The following TIMP2 variants were observed in gnomAD, a reference collection of about 807,000 sequenced individuals.
TIMP2 encodes the protein metalloproteinase inhibitor 2.
TIMP2 carries 5 observed loss-of-function variants against 24.3 expected under a neutral mutation model. That is an observed-to-expected ratio of 0.21 (90% CI 0.11 to 0.43). The LOEUF (loss-of-function observed/expected upper bound fraction) is 0.43. TIMP2 is among the 20% of genes least tolerant of loss of function. The pLI is 1.00. For synonymous variants in TIMP2, 130 were observed against 123.2 expected (o/e 1.06, Z -0.37); for missense variants, 221 against 297.5 (o/e 0.74, Z 1.89).
intron 3 of TIMP2, among the ~76,000 whole-genome samples, chr17:78,860,608 T>C (rs955652147): frequency 6.6e-6 from 1 of 152,256 alleles, no homozygotes; most frequent in Non-Finnish European, 1.5e-5. Context: ...TGTTCCTTTA[T>C]CTTCGGGTCC....
At chr17:78,870,308 C>T (rs770353945) in intron 3 of TIMP2, among the ~76,000 whole-genome samples, 4 of 150,900 alleles carry the variant, frequency 2.7e-5, no homozygotes, top group African/African-American at 9.8e-5. Flanking sequence ...CCCAACTACT[C>T]GGGAGGCTGA....
chr17:78,909,453 G>T (rs918830185), intron 1 of TIMP2, among the ~76,000 whole-genome samples: 1 of 147,854 alleles, frequency 6.8e-6, no homozygotes, highest in Non-Finnish European at 1.5e-5. Flanking sequence ...AATCCCCCCG[G>T]ACCTGAAGCC....
At chr17:78,862,472 C>T (rs1488494680) in intron 3 of TIMP2, among the ~76,000 whole-genome samples, 1 of 152,226 alleles carries the variant, frequency 6.6e-6, no homozygotes, top group African/African-American at 2.4e-5. Context: ...CCCTGCTCCC[C>T]CTCCCAGGGA....
intron 3 of TIMP2, among the ~76,000 whole-genome samples, chr17:78,861,878 A>G (rs956560330): frequency 6.6e-6 from 1 of 152,134 alleles, no homozygotes; most frequent in Non-Finnish European, 1.5e-5. Flanking sequence ...TATCTTTTCA[A>G]TGGTCCTAGT....
chr17:78,886,065 T>C (rs1029542595), intron 1 of TIMP2, among the ~76,000 whole-genome samples: 17 of 152,094 alleles, frequency 1.1e-4, no homozygotes, highest in African/African-American at 3.6e-4. Context: ...ACCAATGCCC[T>C]AGTTAAAGAA....
chr17:78,902,663 C>A (rs894005945), intron 1 of TIMP2: 1 of 152,312 alleles, frequency 6.6e-6, no homozygotes, highest in African/African-American at 2.4e-5. Context: ...CTGAGGCAGA[C>A]TGACCTCCAA....
chr17:78,878,638 G>C (rs1243692046), intron 1 of TIMP2, among the ~76,000 whole-genome samples: 1 of 152,104 alleles, frequency 6.6e-6, no homozygotes, highest in Non-Finnish European at 1.5e-5. Flanking sequence ...AGAGGAGGCT[G>C]GTCAAATCAA....
chr17:78,878,001 C>G (rs775285113), intron 1 of TIMP2, among the ~76,000 whole-genome samples: 1 of 152,144 alleles, frequency 6.6e-6, no homozygotes, highest in Non-Finnish European at 1.5e-5. Context: ...CTACCGCGCC[C>G]GGCCTTGGAG....
At position 78,855,321 on chromosome 17, in the gene TIMP2, C is replaced by A. The variant is rs1042024134; in HGVS notation, c.*346G>T. The A allele has an allele frequency of 2.5e-5, 9 of 366,798 alleles. 1 individual carries two copies. The South Asian group carries it at 2.7e-4, about 11-fold the overall frequency. The allele number at this position is 366,798 out of a possible 1,614,324, so 22.7% of individuals were successfully genotyped here. The stretch of plus-strand genomic sequence containing the variant: ...GCACATTTCCAGGCCCTGCCCTAAC[C>A]CAGCTGGGAGATCCCTAAGTGCTGC... On this transcript the variant is annotated 3_prime_UTR_variant, in exon 5 of 5. Coordinates refer to ENST00000262768, the MANE Select transcript of TIMP2 (RefSeq NM_003255.5). The surrounding 1 kb of genome is among the most constrained non-coding windows in gnomAD (Gnocchi z 6.0).
At position 78,897,039 on chromosome 17, in the gene TIMP2, C is replaced by T. The variant is rs536266999; in HGVS notation, c.131-23120G>A. The T allele has an allele frequency of 1.1e-4, 105 of 979,778 alleles. No homozygotes were observed. In the African/African-American group the frequency reaches 1.7e-3, roughly 16 times the overall value. The allele number at this position is 979,778 out of a possible 1,614,324, so 60.7% of individuals were successfully genotyped here. A position where few individuals can be genotyped will look rare whatever the true frequency, so the allele number is the denominator to read the frequency against. On this transcript the variant is annotated intron_variant, in intron 1 of 4. Coordinates refer to ENST00000262768, the MANE Select transcript of TIMP2 (RefSeq NM_003255.5). ...AGACAGCTTTTCAGCCAAGGCAGAC[C>T]TCACCCAGGGACCCTCCACCCAGGC...
intron 1 of TIMP2, among the ~76,000 whole-genome samples, chr17:78,894,197 C>G (rs548555310): frequency 2.0e-5 from 3 of 151,998 alleles, no homozygotes; most frequent in Non-Finnish European, 2.9e-5. Context: ...GCTCCTACCC[C>G]CCCCGGTTCA....
intron 1 of TIMP2, among the ~76,000 whole-genome samples, chr17:78,876,767 TCCGCCCACTTTGG>T (rs900166872): frequency 1.3e-5 from 2 of 151,784 alleles, no homozygotes; most frequent in African/African-American, 4.8e-5. Flanking sequence ...CCTCAAGTGA[TCCGCCCACTTTGG>T]CCTCCCAAAG....
intron 1 of TIMP2, chr17:78,900,076 G>A (rs1232753910): frequency 1.3e-5 from 2 of 151,854 alleles, no homozygotes; most frequent in Non-Finnish European, 3.0e-5. Flanking sequence ...TCTTTGGGAT[G>A]ATAATATAGG....
At chr17:78,893,879 T>C (rs898871252) in intron 1 of TIMP2, among the ~76,000 whole-genome samples, 24 of 152,128 alleles carry the variant, frequency 1.6e-4, no homozygotes, top group Admixed American at 1.6e-3. Context: ...CAGTACGGGA[T>C]TGTGTCTGTT....
chr17:78,888,812 G>A (rs890019945), intron 1 of TIMP2, among the ~76,000 whole-genome samples: 16 of 152,136 alleles, frequency 1.1e-4, no homozygotes, highest in African/African-American at 3.9e-4. Flanking sequence ...GAATATTCTG[G>A]GTCTTGGGTC....
At chr17:78,912,537 A>C (rs2070218139) in intron 1 of TIMP2, among the ~76,000 whole-genome samples, 1 of 152,234 alleles carries the variant, frequency 6.6e-6, no homozygotes, top group Non-Finnish European at 1.5e-5. Context: ...TCCCTGCTCT[A>C]GCCCACCCGT....
intron 1 of TIMP2, among the ~76,000 whole-genome samples, chr17:78,879,128 A>G (rs2069755888): frequency 6.6e-6 from 1 of 152,222 alleles, no homozygotes; most frequent in Admixed American, 6.5e-5. Flanking sequence ...GAGAGGGTAC[A>G]GGGTGAATCC....
At chr17:78,860,997 T>C (rs1200857645) in intron 3 of TIMP2, among the ~76,000 whole-genome samples, 5 of 149,262 alleles carry the variant, frequency 3.3e-5, no homozygotes, top group African/African-American at 5.0e-5. Flanking sequence ...GATCGCGCCA[T>C]TGCACTCCAG....
At chr17:78,857,926 C>T (rs527320996) in intron 3 of TIMP2, among the ~76,000 whole-genome samples, 67 of 151,970 alleles carry the variant, frequency 4.4e-4, no homozygotes, top group Non-Finnish European at 8.2e-4. Context: ...AAAAATTAGC[C>T]GGGTGTGGTG....
Sources: allele counts gnomAD v4.1 joint callset (sites outside exome capture counted in the v4.1 genomes callset), GRCh38; gene constraint gnomAD v4.1.1; non-coding constraint Gnocchi (gnomAD v3.1); transcripts MANE v1.5; gene names NCBI Gene and HGNC (gene_info 2026-07-23, HGNC 2026-07-21).